The following GRIA3 variants were observed in gnomAD, a reference collection of about 807,000 sequenced individuals.
GRIA3 encodes glutamate ionotropic receptor AMPA type subunit 3.
Under a neutral mutation model 63.0 loss-of-function variants are expected in GRIA3, and 3 were observed. The observed-to-expected ratio is 0.05, with a 90% CI of 0.02 to 0.12. GRIA3 has a LOEUF of 0.12. GRIA3 is among the 10% of genes least tolerant of loss of function. The pLI is 1.00. For missense variants in GRIA3, 347 were observed against 700.9 expected (o/e 0.50, Z 5.70); for synonymous variants, 274 against 257.9 (o/e 1.06, Z -0.60).
At chrX:123,350,392 A>G (rs946218830) in intron 4 of GRIA3, among the ~76,000 whole-genome samples, 1 of 111,457 alleles carries the variant, frequency 9.0e-6, no homozygotes. Flanking sequence ...GGGGAAAAAA[A>G]CATACACACT....
intron 13 of GRIA3, among the ~76,000 whole-genome samples, 198 bp from the exon 14 acceptor site, chrX:123,479,865 G>A (rs2045904316): frequency 8.9e-6 from 1 of 111,953 alleles, no homozygotes. Context: ...AAAGCGATAT[G>A]GGCAGGCCCT....
chrX:123,185,373 C>G (rs1927234798), intron 1 of GRIA3, among the ~76,000 whole-genome samples: 1 of 110,343 alleles, frequency 9.1e-6, no homozygotes, highest in Admixed American at 9.5e-5. Flanking sequence ...CTGAACCAAC[C>G]CCCTGTATTG....
Position 123,227,076 on chromosome X carries a change from T to C in GRIA3, c.269-26227T>C, listed in dbSNP as rs183726267. 2.6e-4 allele frequency among the ~76,000 whole-genome samples: 29 copies of C among 112,010 alleles called. No homozygotes were observed. The East Asian group carries it at 7.6e-3, about 29-fold the overall frequency. On this transcript the variant is annotated intron_variant, in intron 2 of 15. Transcript: ENST00000620443. ...ATTCCTTCATTATCTTCTGCACCTCTTGAAAACCACACAGATTCCTCCTCC... is the reference window on the plus strand; with the variant it reads ...ATTCCTTCATTATCTTCTGCACCTCCTGAAAACCACACAGATTCCTCCTCC...
At chrX:123,282,523 A>T (rs752390643) in intron 3 of GRIA3, among the ~76,000 whole-genome samples, 1 of 112,659 alleles carries the variant, frequency 8.9e-6, no homozygotes, top group South Asian at 3.7e-4. Flanking sequence ...AGAAGAGAGG[A>T]CCACCTCTCC....
chrX:123,352,809 T>C (rs1254733895), intron 4 of GRIA3, among the ~76,000 whole-genome samples: 2 of 111,098 alleles, frequency 1.8e-5, no homozygotes, highest in Non-Finnish European at 1.9e-5. Context: ...TTAACAAATG[T>C]CACCGGCAAG....
intron 3 of GRIA3, among the ~76,000 whole-genome samples, chrX:123,265,122 A>C (rs1451579830): frequency 8.9e-6 from 1 of 111,790 alleles, no homozygotes; most frequent in Non-Finnish European, 1.9e-5. Context: ...ATAAGCTCAC[A>C]GTTTAGAAGG....
At chrX:123,488,277 T>G (rs1484781883) in intron 15 of GRIA3, among the ~76,000 whole-genome samples, 1 of 112,658 alleles carries the variant, frequency 8.9e-6, no homozygotes, top group African/African-American at 3.2e-5. Context: ...TGCTCACTTT[T>G]CTAGCAATAA....
At chrX:123,217,010 T>C (rs1198977483) in intron 2 of GRIA3, among the ~76,000 whole-genome samples, 1 of 112,109 alleles carries the variant, frequency 8.9e-6, no homozygotes, top group African/African-American at 3.2e-5. Context: ...TTTAGTACTA[T>C]GTGATGCTGC....
chrX:123,343,573 AAGAGAGAGAGAGAGAAAGAC>A (rs2045022953), intron 4 of GRIA3, among the ~76,000 whole-genome samples: 1 of 107,131 alleles, frequency 9.3e-6, no homozygotes, highest in South Asian at 4.0e-4. Flanking sequence ...GAGAGAAAGC[AAGAGAGAGAGAGAGAAAGAC>A]AGAGAGAGAG....
chrX:123,382,658 G>C (rs1391423998), intron 5 of GRIA3, among the ~76,000 whole-genome samples: 1 of 111,174 alleles, frequency 9.0e-6, no homozygotes, highest in African/African-American at 3.3e-5. Flanking sequence ...TGTATTTGAG[G>C]TGGACATCTC....
intron 12 of GRIA3, among the ~76,000 whole-genome samples, chrX:123,436,266 ATC>A (rs1356927423): frequency 1.8e-5 from 2 of 111,145 alleles, no homozygotes. Context: ...AAATAAGATA[ATC>A]TCTCTGCTTT....
At chrX:123,389,640 T>C (rs898825140) in intron 5 of GRIA3, among the ~76,000 whole-genome samples, 9 of 111,612 alleles carry the variant, frequency 8.1e-5, no homozygotes, top group Admixed American at 1.9e-4. Context: ...AGCATATAGC[T>C]GGATCATTTT....
chrX:123,269,078 T>G (rs1313279043), intron 3 of GRIA3, among the ~76,000 whole-genome samples: 1 of 112,177 alleles, frequency 8.9e-6, no homozygotes, highest in East Asian at 2.8e-4. Flanking sequence ...TACCTTCCCA[T>G]GTTCCTCATG....
intron 3 of GRIA3, among the ~76,000 whole-genome samples, chrX:123,300,463 G>A (rs1307228181): frequency 1.0e-5 from 1 of 96,504 alleles, no homozygotes; most frequent in Non-Finnish European, 2.0e-5. Context: ...TTTCTCCATG[G>A]TTCAGTCTTG....
At chrX:123,367,806 A>G (rs761250020) in intron 5 of GRIA3, among the ~76,000 whole-genome samples, 29 of 111,687 alleles carry the variant, frequency 2.6e-4, no homozygotes, top group African/African-American at 9.1e-4. Flanking sequence ...GTTCAGGTCA[A>G]GCATTTAAAC....
chrX:123,187,808 C>T (rs768539046), intron 2 of GRIA3, among the ~76,000 whole-genome samples: 1 of 111,637 alleles, frequency 9.0e-6, no homozygotes, highest in East Asian at 2.8e-4. Context: ...GTCAGAACCC[C>T]ACTCAAGAAG....
At chrX:123,371,504 G>A (rs903357028) in intron 5 of GRIA3, among the ~76,000 whole-genome samples, 1 of 110,854 alleles carries the variant, frequency 9.0e-6, no homozygotes, top group African/African-American at 3.3e-5. Context: ...CCCACCAACA[G>A]TATATGAGGA....
intron 14 of GRIA3, among the ~76,000 whole-genome samples, chrX:123,481,435 A>C (rs1275492362): frequency 8.9e-6 from 1 of 112,184 alleles, no homozygotes; most frequent in African/African-American, 3.2e-5. Flanking sequence ...CCTTTTATTA[A>C]AGTAAACAAG....
intron 3 of GRIA3, among the ~76,000 whole-genome samples, chrX:123,286,933 A>C (rs1263230950): frequency 8.9e-6 from 1 of 111,890 alleles, no homozygotes; most frequent in Non-Finnish European, 1.9e-5. Flanking sequence ...CATCATCCTG[A>C]TACCAAAACC....
Sources: gnomAD v4.1 joint callset for allele counts (sites outside exome capture counted in the v4.1 genomes callset) on GRCh38, gnomAD v4.1.1 for gene constraint, MANE v1.5 for transcripts, NCBI Gene and HGNC (gene_info 2026-07-23, HGNC 2026-07-21) for gene names.